PHGR1: variants seen among roughly 807,000 people sequenced by gnomAD.
PHGR1 encodes proline, histidine and glycine rich 1.
PHGR1 carries 3 observed loss-of-function variants against 4.9 expected under a neutral mutation model. That is an observed-to-expected ratio of 0.61 (90% CI 0.28 to 1.58). The LOEUF is 1.58. Ranked by LOEUF, PHGR1 falls within the 40% of genes most tolerant of loss-of-function variation. The probability of loss-of-function intolerance (pLI) is 0.11; values close to 1 mark genes in which losing one functional copy is unlikely to be tolerated. For missense variants in PHGR1, 81 were observed against 118.7 expected, an observed-to-expected ratio of 0.68 and a Z score of 1.48; for synonymous variants, 32 against 46.1, an observed-to-expected ratio of 0.69 and a Z score of 1.24.
At chr15:40,354,210 G>T in intron 2 of PHGR1, 135 bp from the exon 3 acceptor site, 2 of 858,552 alleles carry the variant, frequency 2.3e-6, no homozygotes, top group South Asian at 3.2e-5. Flanking sequence ...TCAGGCAAGT[G>T]ACCATGTCTG....
chr15:40,355,193 C>T lies in PHGR1; in HGVS notation c.18+841C>T, dbSNP rs545049720. On this transcript the variant is annotated intron_variant, in intron 3 of 3. Coordinates refer to ENST00000448599, the MANE Select transcript of PHGR1 (RefSeq NM_001145643.2). ...AAAAACAAAAAAAAAACAAAAAACTCCCCTGGCCTTGGGACTTCAGGAATG... is the reference window on the plus strand; with the variant it reads ...AAAAACAAAAAAAAAACAAAAAACTTCCCTGGCCTTGGGACTTCAGGAATG... 5.9e-5 allele frequency among the ~76,000 whole-genome samples: 9 copies of T among 152,238 alleles called. No homozygotes were observed. In the South Asian group the frequency reaches 1.9e-3, roughly 32 times the overall value.
chr15:40,354,609 C>A (rs146822819), intron 3 of PHGR1, among the ~76,000 whole-genome samples: 180 of 152,296 alleles, frequency 1.2e-3, no homozygotes, highest in African/African-American at 4.2e-3. Flanking sequence ...CTCACGTCCC[C>A]TCCCTGCCCT....
chr15:40,352,897 G>T (rs7164581), intron 1 of PHGR1, among the ~76,000 whole-genome samples: 1 of 152,088 alleles, frequency 6.6e-6, no homozygotes, highest in Non-Finnish European at 1.5e-5. Context: ...AAGAGGAATC[G>T]GATTAACACA....
At chr15:40,353,886 C>A (rs768305823) in intron 2 of PHGR1, 55 of 190,558 alleles carry the variant, frequency 2.9e-4, no homozygotes, top group Admixed American at 1.2e-3. Context: ...AAACAGGAGA[C>A]AACAAACAGC....
chr15:40,354,896 T>C (rs1051209660), intron 3 of PHGR1, among the ~76,000 whole-genome samples: 3 of 152,152 alleles, frequency 2.0e-5, no homozygotes, highest in Non-Finnish European at 2.9e-5. Flanking sequence ...GGGTGGGAAG[T>C]GGCTGTTTCC....
intron 2 of PHGR1, chr15:40,353,591 C>T: frequency 3.0e-6 from 1 of 334,246 alleles, no homozygotes; most frequent in Non-Finnish European, 5.6e-6. Context: ...GGGTCGGAAT[C>T]CAGAATCCAG....
Position 40,353,110 on chromosome 15 carries a change from GGTGTGTGTGTGTGTGTGT to G in PHGR1, c.-26-102_-26-85del, listed in dbSNP as rs57886573. 3,317 of 565,386 alleles carry G rather than the reference GGTGTGTGTGTGTGTGTGT, an allele frequency of 5.9e-3. 62 individuals carry two copies. The highest frequency in any genetic ancestry group is 0.052 in the African/African-American group (2,524 of 48,608). 35.0% of individuals were successfully genotyped at this position (565,386 alleles called of 1,614,324 possible). A position where few individuals can be genotyped will look rare whatever the true frequency, so the allele number is the denominator to read the frequency against. On this transcript the variant is annotated intron_variant, in intron 1 of 3. Transcript: ENST00000448599. ...GTTTTTTCCCTTTCTTCCTTTGAAG[GGTGTGTGTGTGTGTGTGT>G]GTGTGTGTGTGTGTGTGTGCGCGCG...
intron 3 of PHGR1, among the ~76,000 whole-genome samples, chr15:40,355,019 G>A (rs1235922995): frequency 6.6e-6 from 1 of 152,146 alleles, no homozygotes; most frequent in African/African-American, 2.4e-5. Context: ...TCAAGCCCTA[G>A]GAGGCAGAAG....
chr15:40,355,797 T>C (rs1889284302), intron 3 of PHGR1, among the ~76,000 whole-genome samples: 1 of 152,138 alleles, frequency 6.6e-6, no homozygotes, highest in African/African-American at 2.4e-5. Context: ...TAGTTGCAAA[T>C]AAAATAAATC....
At chr15:40,352,321 A>G (rs1384768635) in intron 1 of PHGR1, among the ~76,000 whole-genome samples, 2 of 152,186 alleles carry the variant, frequency 1.3e-5, no homozygotes, top group Non-Finnish European at 2.9e-5. Flanking sequence ...ATGCTCAGCA[A>G]ACTTGTAAGT....
intron 2 of PHGR1, 110 bp downstream of exon 2, chr15:40,353,377 T>A (rs1371972292): frequency 7.2e-7 from 1 of 1,387,036 alleles, no homozygotes; most frequent in East Asian, 2.5e-5. Flanking sequence ...AAAATGTACG[T>A]GCGTGTGTGT....
chr15:40,356,377 A>C lies in PHGR1; in HGVS notation c.*74A>C, dbSNP rs1019961181. 1.9e-5 allele frequency: 29 copies of C among 1,547,052 alleles called. No individual in the cohort carries two copies. The highest frequency in any genetic ancestry group is 2.7e-5 in the African/African-American group (2 of 72,918). On this transcript the variant is annotated 3_prime_UTR_variant, in exon 4 of 4. Coordinates refer to ENST00000448599, the MANE Select transcript of PHGR1 (RefSeq NM_001145643.2). ...CCAGCTGACCTGGAATGAGGCCTAA[A>C]CCACAATCTTCTCTTCCTAATAAAC...
intron 2 of PHGR1, 93 bp downstream of exon 2, chr15:40,353,360 C>T (rs544242033): frequency 6.9e-5 from 103 of 1,501,278 alleles, no homozygotes; most frequent in African/African-American, 9.8e-5. Context: ...ATAACTAGTG[C>T]GTGCCAAAAA....
rs773778060 is a variant in PHGR1, at chr15:40,356,376, A to C, written c.*73A>C. ...CCCAGCTGACCTGGAATGAGGCCTAAACCACAATCTTCTCTTCCTAATAAA... is the reference window on the plus strand; with the variant it reads ...CCCAGCTGACCTGGAATGAGGCCTACACCACAATCTTCTCTTCCTAATAAA... On this transcript the variant is annotated 3_prime_UTR_variant, in exon 4 of 4. Transcript: ENST00000448599. 1 of 1,547,792 alleles carries C rather than the reference A, an allele frequency of 6.5e-7. No homozygotes were observed. The highest frequency in any genetic ancestry group is 1.4e-5 in the African/African-American group (1 of 72,948).
At chr15:40,351,830 G>A (rs569054282) in intron 1 of PHGR1, among the ~76,000 whole-genome samples, 4 of 152,064 alleles carry the variant, frequency 2.6e-5, no homozygotes, top group South Asian at 2.1e-4. Context: ...TCTGCCTCCC[G>A]GGTTCAAGCG....
At position 40,353,110 on chromosome 15, in the gene PHGR1, G is replaced by GGTGTGTGT. The variant is rs57886573; in HGVS notation, c.-26-92_-26-85dup. 2,271 of 565,136 alleles carry GGTGTGTGT rather than the reference G, an allele frequency of 4.0e-3. 10 individuals carry two copies. Among genetic ancestry groups the GGTGTGTGT allele is most frequent in the Middle Eastern group, 0.013 (27 of 2,048 alleles). 35.0% of individuals were successfully genotyped at this position (565,136 alleles called of 1,614,324 possible). A position where few individuals can be genotyped will look rare whatever the true frequency, so the allele number is the denominator to read the frequency against. On this transcript the variant is annotated intron_variant, in intron 1 of 3. Coordinates refer to ENST00000448599, the MANE Select transcript of PHGR1 (RefSeq NM_001145643.2). ...GTTTTTTCCCTTTCTTCCTTTGAAGGGTGTGTGTGTGTGTGTGTGTGTGTG... is the reference window on the plus strand; with the variant it reads ...GTTTTTTCCCTTTCTTCCTTTGAAGGGTGTGTGTGTGTGTGTGTGTGTGTGTGTGTGTG...
At chr15:40,353,153 G>GCT in intron 1 of PHGR1, 79 bp from the exon 2 acceptor site, 1 of 1,306,242 alleles carries the variant, frequency 7.7e-7, no homozygotes, top group Non-Finnish European at 1.1e-6. Context: ...GTGTGCGCGC[G>GCT]CGCGCGCATC....
At chr15:40,353,082 G>A in intron 1 of PHGR1, 150 bp from the exon 2 acceptor site, 1 of 824,472 alleles carries the variant, frequency 1.2e-6, no homozygotes, top group Non-Finnish European at 1.9e-6. Context: ...GCCGGAGGGA[G>A]CAGTTTTTTC....
intron 3 of PHGR1, among the ~76,000 whole-genome samples, chr15:40,355,461 T>C (rs1261966006): frequency 6.6e-6 from 1 of 152,134 alleles, no homozygotes; most frequent in Non-Finnish European, 1.5e-5. Context: ...AGCTATTTTA[T>C]ATAAATATGG....
Sources: gnomAD v4.1 joint callset for allele counts (sites outside exome capture counted in the v4.1 genomes callset) on GRCh38, gnomAD v4.1.1 for gene constraint, MANE v1.5 for transcripts, NCBI Gene and HGNC (gene_info 2026-07-23, HGNC 2026-07-21) for gene names.